SLC36A1: variants seen among roughly 807,000 people sequenced by gnomAD.
SLC36A1 encodes solute carrier family 36 member 1.
Under a neutral mutation model 47.5 loss-of-function variants are expected in SLC36A1, and 30 were observed. The observed-to-expected ratio is 0.63, with a 90% CI of 0.47 to 0.86. SLC36A1 has a LOEUF of 0.86. Among genes scored for constraint, SLC36A1 ranks in the 40% least tolerant of loss-of-function variants. The pLI is 0.00. For synonymous variants in SLC36A1, 255 were observed against 249.7 expected, an observed-to-expected ratio of 1.02 and a Z score of -0.20; for missense variants, 517 against 606.0, an observed-to-expected ratio of 0.85 and a Z score of 1.54.
At chr5:151,498,442 C>T in the SLC36A1 span, among the ~76,000 whole-genome samples, 1 of 152,172 alleles carries the variant, frequency 6.6e-6, no homozygotes, top group African/African-American at 2.4e-5. Flanking sequence ...AAGGAAAGTA[C>T]TGGTAATATC....
chr5:151,356,027 G>T, the SLC36A1 span, among the ~76,000 whole-genome samples: 1 of 152,054 alleles, frequency 6.6e-6, no homozygotes, highest in South Asian at 2.1e-4. Context: ...TAATATTAAT[G>T]TGCTATTTTG....
the SLC36A1 span, among the ~76,000 whole-genome samples, chr5:151,409,536 A>T: frequency 6.6e-6 from 1 of 152,234 alleles, no homozygotes; most frequent in South Asian, 2.1e-4. Flanking sequence ...AAACCACAAC[A>T]TACATGTACA....
rs977934556 is a variant in SLC36A1 at position 151,468,279 on chromosome 5, A to C, written c.723+354A>C. Among the ~76,000 whole-genome samples, 4 of 102,592 alleles carry C rather than the reference A, an allele frequency of 3.9e-5. 1 individual carries two copies. The highest frequency in any genetic ancestry group is 5.9e-5 in the Non-Finnish European group (3 of 50,640). 67.3% of individuals were successfully genotyped at this position (102,592 alleles called of 152,430 possible). A position where few individuals can be genotyped will look rare whatever the true frequency, so the allele number is the denominator to read the frequency against. On this transcript the variant is annotated intron_variant, in intron 7 of 10. Transcript: ENST00000243389. Reference sequence around the variant, plus strand: ...AAAAAAAAAAAAAATATATATATATATATATATATATATATTTTATATATA... The same window carrying C: ...AAAAAAAAAAAAAATATATATATATCTATATATATATATATTTTATATATA...
chr5:151,345,417 T>A, the SLC36A1 span, among the ~76,000 whole-genome samples: 2 of 152,194 alleles, frequency 1.3e-5, no homozygotes, highest in Non-Finnish European at 2.9e-5. Flanking sequence ...TCAGGAGTGA[T>A]GCTATTTTTA....
At chr5:151,414,865 CT>C in the SLC36A1 span, 1 of 152,198 alleles carries the variant, frequency 6.6e-6, no homozygotes, top group Non-Finnish European at 1.5e-5. Flanking sequence ...CCTTACCTCA[CT>C]TATCTGATGC....
At chr5:151,507,822 G>A in the SLC36A1 span, among the ~76,000 whole-genome samples, 1 of 152,070 alleles carries the variant, frequency 6.6e-6, no homozygotes, top group Admixed American at 6.5e-5. Context: ...CCTCATTTGT[G>A]ACCATTAGGA....
chr5:151,374,257 A>G, the SLC36A1 span, among the ~76,000 whole-genome samples: 1 of 152,146 alleles, frequency 6.6e-6, no homozygotes, highest in African/African-American at 2.4e-5. Flanking sequence ...TTTACAGAGG[A>G]CTATGAAACC....
At chr5:151,543,379 G>C in the SLC36A1 span, 1 of 1,614,114 alleles carries the variant, frequency 6.2e-7, no homozygotes. Flanking sequence ...TTTGAACTGT[G>C]GGGGGTTGTC....
At chr5:151,431,576 A>G in the SLC36A1 span, among the ~76,000 whole-genome samples, 1 of 152,164 alleles carries the variant, frequency 6.6e-6, no homozygotes, top group African/African-American at 2.4e-5. Context: ...GGTGATAGGT[A>G]ATTGAATCAT....
chr5:151,409,201 C>T, the SLC36A1 span, among the ~76,000 whole-genome samples: 147 of 151,826 alleles, frequency 9.7e-4, no homozygotes, highest in African/African-American at 3.2e-3. Flanking sequence ...GGTTTTGCCA[C>T]GTTTTCCACT....
At chr5:151,464,934 G>A in intron 4 of SLC36A1, 140 bp from the exon 5 acceptor site, 1 of 682,258 alleles carries the variant, frequency 1.5e-6, no homozygotes, top group Non-Finnish European at 2.6e-6. Context: ...ATCTTTGAAA[G>A]CACGAGATAC....
At chr5:151,347,479 G>A in the SLC36A1 span, 2 of 1,613,122 alleles carry the variant, frequency 1.2e-6, no homozygotes, top group Non-Finnish European at 1.7e-6. Context: ...AAGAAACAAG[G>A]AGCTCGGGGT....
the SLC36A1 span, among the ~76,000 whole-genome samples, chr5:151,514,063 G>A: frequency 6.6e-6 from 1 of 152,302 alleles, no homozygotes; most frequent in South Asian, 2.1e-4. Flanking sequence ...AGTTTTCTCT[G>A]TTGAAATTTG....
At chr5:151,377,763 T>C in the SLC36A1 span, among the ~76,000 whole-genome samples, 1 of 152,246 alleles carries the variant, frequency 6.6e-6, no homozygotes, top group Admixed American at 6.5e-5. Flanking sequence ...TCTTCACCAT[T>C]ATGTAATTAT....
At chr5:151,456,053 T>C (rs1412661031) in intron 1 of SLC36A1, among the ~76,000 whole-genome samples, 1 of 152,190 alleles carries the variant, frequency 6.6e-6, no homozygotes, top group Non-Finnish European at 1.5e-5. Flanking sequence ...AGTGCCTCTC[T>C]GGACCCGTAA....
intron 1 of SLC36A1, among the ~76,000 whole-genome samples, chr5:151,437,689 A>G (rs1406323701): frequency 6.6e-6 from 1 of 152,192 alleles, no homozygotes; most frequent in African/African-American, 2.4e-5. Flanking sequence ...TCATAACTTT[A>G]ATAATGATAT....
intron 7 of SLC36A1, among the ~76,000 whole-genome samples, chr5:151,468,266 A>AAAAAAAAAT (rs55642458): frequency 4.7e-5 from 3 of 63,830 alleles, no homozygotes; most frequent in African/African-American, 1.8e-4. Context: ...AAAAAAAAAA[A>AAAAAAAAAT]ATATATATAT....
the SLC36A1 span, chr5:151,505,584 C>G: frequency 6.2e-7 from 1 of 1,614,158 alleles, no homozygotes; most frequent in South Asian, 1.1e-5. Context: ...GACCTCCTCA[C>G]AGCTGCCATA....
At chr5:151,512,093 C>G in the SLC36A1 span, 6 of 1,448,934 alleles carry the variant, frequency 4.1e-6, no homozygotes, top group Non-Finnish European at 4.7e-6. This position sits in a 1 kb window ranked among gnomAD's most constrained non-coding sequence, Gnocchi z 4.1. Flanking sequence ...GATCTCCACC[C>G]TGACATGCTT....
Sources: allele counts gnomAD v4.1 joint callset (sites outside exome capture counted in the v4.1 genomes callset), GRCh38; gene constraint gnomAD v4.1.1; non-coding constraint Gnocchi (gnomAD v3.1); transcripts MANE v1.5; gene names NCBI Gene and HGNC (gene_info 2026-07-23, HGNC 2026-07-21).